Variants in PPM1H observed in about 807,000 individuals in gnomAD.
The protein encoded by PPM1H is protein phosphatase, Mg2+/Mn2+ dependent 1H.
A neutral mutation model predicts 54.9 loss-of-function variants in PPM1H; 27 were observed. That is an observed-to-expected ratio of 0.49 (90% CI 0.36 to 0.68). The LOEUF (loss-of-function observed/expected upper bound fraction) is 0.68, where lower values mean the gene tolerates loss of function less well. Ranked by LOEUF, PPM1H falls within the 30% of genes least tolerant of loss-of-function variation. The probability of loss-of-function intolerance (pLI) is 0.00; values close to 1 mark genes in which losing one functional copy is unlikely to be tolerated. For synonymous variants in PPM1H, 305 were observed against 270.8 expected (o/e 1.13, Z -1.24); for missense variants, 596 against 667.8 (o/e 0.89, Z 1.19).
intron 1 of PPM1H, among the ~76,000 whole-genome samples, chr12:62,878,894 C>T (rs1025114164): frequency 8.5e-5 from 13 of 152,140 alleles, no homozygotes; most frequent in Admixed American, 7.2e-4. Context: ...GAGCAGAGAT[C>T]GCGCCACTGC....
rs951893409 is a variant in PPM1H at position 62,934,447 on chromosome 12, G to T, written c.245+45C>A. 10 of 1,497,186 alleles carry T rather than the reference G, an allele frequency of 6.7e-6. No individual in the cohort carries two copies. The African/African-American group carries it at 1.3e-4, about 19-fold the overall frequency. 92.7% of individuals were successfully genotyped at this position (1,497,186 alleles called of 1,614,324 possible). ...AAGAGGGCTGGAACCGTGCGGGGAA[G>T]GGCCGCGAGGAGAGCAGGGGCGCCG... On this transcript the variant is annotated intron_variant, in intron 1 of 9. Coordinates refer to ENST00000228705, the MANE Select transcript of PPM1H (RefSeq NM_020700.2). This position sits in a 1 kb window ranked among gnomAD's most constrained non-coding sequence, Gnocchi z 4.2.
At chr12:62,763,324 C>G (rs1455719427) in intron 4 of PPM1H, among the ~76,000 whole-genome samples, 1 of 152,174 alleles carries the variant, frequency 6.6e-6, no homozygotes, top group African/African-American at 2.4e-5. Context: ...CTCTATAAAC[C>G]ATGGCCATCA....
chr12:62,788,656 G>A (rs1446569491), intron 3 of PPM1H, among the ~76,000 whole-genome samples: 1 of 152,230 alleles, frequency 6.6e-6, no homozygotes, highest in Non-Finnish European at 1.5e-5. Context: ...AGTCTTTGTG[G>A]ATTGCATGAG....
At chr12:62,755,681 T>C (rs1173534969) in intron 4 of PPM1H, 1 of 668,204 alleles carries the variant, frequency 1.5e-6, no homozygotes, top group Non-Finnish European at 2.7e-6. Context: ...GCCTCCTGTA[T>C]CACCAACTGC....
rs530362387 is a variant in PPM1H, at chr12:62,924,458, C to T, written c.245+10034G>A. Among the ~76,000 whole-genome samples the T allele has an allele frequency of 2.6e-5, 4 of 152,264 alleles. No homozygotes were observed. The South Asian group carries it at 8.3e-4, about 32-fold the overall frequency. The stretch of plus-strand genomic sequence containing the variant: ...TCAAATTTCTTACAGAAACCAGTTT[C>T]TGAATTTTGATGTTAGTCCTTCAGC... On this transcript the variant is annotated intron_variant, in intron 1 of 9. Coordinates refer to ENST00000228705, the MANE Select transcript of PPM1H (RefSeq NM_020700.2).
chr12:62,743,822 C>A (rs180825006), intron 4 of PPM1H, among the ~76,000 whole-genome samples: 2 of 152,034 alleles, frequency 1.3e-5, no homozygotes, highest in Non-Finnish European at 2.9e-5. Flanking sequence ...CATGAAAATG[C>A]ACACTAAAGT....
At chr12:62,740,612 C>T (rs2076375933) in intron 4 of PPM1H, among the ~76,000 whole-genome samples, 1 of 152,222 alleles carries the variant, frequency 6.6e-6, no homozygotes. Context: ...TAATTGATTA[C>T]TTAACTGTCT....
intron 5 of PPM1H, among the ~76,000 whole-genome samples, chr12:62,725,161 G>A (rs919168841): frequency 1.3e-5 from 2 of 152,092 alleles, no homozygotes; most frequent in African/African-American, 4.8e-5. Flanking sequence ...AAACTCCTCC[G>A]CACAATTAGT....
Position 62,648,284 on chromosome 12 carries a change from G to T in PPM1H, c.*205C>A. 1.7e-6 allele frequency: 1 copy of T among 577,250 alleles called. No individual in the cohort carries two copies. Among genetic ancestry groups the T allele is most frequent in the Non-Finnish European group, 3.0e-6 (1 of 333,782 alleles). The allele number at this position is 577,250 out of a possible 1,614,324, so 35.8% of individuals were successfully genotyped here. On this transcript the variant is annotated 3_prime_UTR_variant, in exon 10 of 10. Coordinates refer to ENST00000228705, the MANE Select transcript of PPM1H (RefSeq NM_020700.2). ...CACTTGGTAGCAGCCTTTGTGTTTTGCTCTTGTTGAGTTGACCTGTTACTA... is the reference window on the plus strand; with the variant it reads ...CACTTGGTAGCAGCCTTTGTGTTTTTCTCTTGTTGAGTTGACCTGTTACTA...
intron 1 of PPM1H, among the ~76,000 whole-genome samples, chr12:62,863,217 G>T (rs1464914464): frequency 6.6e-6 from 1 of 151,680 alleles, no homozygotes; most frequent in African/African-American, 2.4e-5. Flanking sequence ...TTGTAGAGAT[G>T]GGGGTCTCAC....
Position 62,829,150 on chromosome 12 carries a change from A to G in PPM1H, c.411+2964T>C, listed in dbSNP as rs563426269. On this transcript the variant is annotated intron_variant, in intron 2 of 9. Transcript: ENST00000228705. ...GACTCAAAGAGATATTTGTTCACCT[A>G]TGTTCACGACAGCATTATTCAGAAT... Among the ~76,000 whole-genome samples the G allele has an allele frequency of 9.8e-5, 15 of 152,360 alleles. No individual in the cohort carries two copies. The South Asian group carries it at 3.1e-3, about 32-fold the overall frequency.
intron 1 of PPM1H, among the ~76,000 whole-genome samples, chr12:62,842,569 T>C (rs1868792932): frequency 6.6e-6 from 1 of 152,218 alleles, no homozygotes; most frequent in South Asian, 2.1e-4. Flanking sequence ...TCCTTGTTGC[T>C]GGATAAAGAA....
At chr12:62,656,997 C>G (rs1420327020) in intron 9 of PPM1H, among the ~76,000 whole-genome samples, 2 of 152,128 alleles carry the variant, frequency 1.3e-5, no homozygotes, top group East Asian at 3.9e-4. Context: ...GAACCGAGTT[C>G]TTAAGCAGGT....
At chr12:62,809,497 A>C (rs998562039) in intron 2 of PPM1H, among the ~76,000 whole-genome samples, 13 of 152,210 alleles carry the variant, frequency 8.5e-5, no homozygotes, top group African/African-American at 1.2e-4. Context: ...ATGTCTCCTC[A>C]ATGTCACATG....
chr12:62,860,260 G>A (rs1245884599), intron 1 of PPM1H, among the ~76,000 whole-genome samples: 2 of 152,040 alleles, frequency 1.3e-5, no homozygotes, highest in African/African-American at 4.8e-5. Flanking sequence ...AGACAGCATG[G>A]GGGTAACCAC....
chr12:62,648,754 T>C, intron 9 of PPM1H, 118 bp from the exon 10 acceptor site: 2 of 1,127,780 alleles, frequency 1.8e-6, no homozygotes, highest in East Asian at 5.0e-5. Flanking sequence ...TCAAATACAC[T>C]TACAATACGA....
chr12:62,699,456 C>T (rs563025911), intron 6 of PPM1H, among the ~76,000 whole-genome samples: 5 of 152,320 alleles, frequency 3.3e-5, no homozygotes, highest in African/African-American at 1.2e-4. Context: ...CCTTGGCCTC[C>T]CAAAGAGCTG....
intron 1 of PPM1H, among the ~76,000 whole-genome samples, chr12:62,903,770 C>G (rs1439658517): frequency 6.6e-6 from 1 of 151,976 alleles, no homozygotes; most frequent in Non-Finnish European, 1.5e-5. Context: ...TTGAACATTT[C>G]AATAAATGTT....
chr12:62,724,431 A>G lies in PPM1H; in HGVS notation c.955-4142T>C, dbSNP rs73312435. ...GACCCTTGGGCTCTTTTTGGCTGAT[A>G]TCCATTTGCCTGGGTGGCTGCGTCA... On this transcript the variant is annotated intron_variant, in intron 5 of 9. Coordinates refer to ENST00000228705, the MANE Select transcript of PPM1H (RefSeq NM_020700.2). Among the ~76,000 whole-genome samples, 928 of 152,220 alleles carry G rather than the reference A, an allele frequency of 6.1e-3. 6 individuals carry two copies. The highest frequency in any genetic ancestry group is 0.021 in the African/African-American group (883 of 41,530).
Sources: allele counts gnomAD v4.1 joint callset (sites outside exome capture counted in the v4.1 genomes callset), GRCh38; gene constraint gnomAD v4.1.1; non-coding constraint Gnocchi (gnomAD v3.1); transcripts MANE v1.5; gene names NCBI Gene and HGNC (gene_info 2026-07-23, HGNC 2026-07-21).